The following ARHGEF25 variants were observed in gnomAD, a reference collection of about 807,000 sequenced individuals.
The protein encoded by ARHGEF25 is Rho guanine nucleotide exchange factor 25.
Under a neutral mutation model 74.0 loss-of-function variants are expected in ARHGEF25, and 42 were observed. That is an observed-to-expected ratio of 0.57 (90% CI 0.44 to 0.73). The LOEUF (loss-of-function observed/expected upper bound fraction) is 0.73. Ranked by LOEUF, ARHGEF25 falls within the 30% of genes least tolerant of loss-of-function variation. ARHGEF25 has a pLI of 0.00. For synonymous variants in ARHGEF25, 293 were observed against 278.6 expected (o/e 1.05, Z -0.51); for missense variants, 645 against 725.5 (o/e 0.89, Z 1.27).
chr12:57,613,029 C>T lies in ARHGEF25; in HGVS notation c.197C>T (p.Pro66Leu). The change falls in exon 2 of 15, where the codon CCC becomes CTC. Residue 66 changes from proline (P) to leucine (L), a missense_variant. Coordinates refer to ENST00000286494, the MANE Select transcript of ARHGEF25 (RefSeq NM_182947.4). ...SGPSSGLSSG[P>L]CSPGPPGPVS... is the part of the protein sequence containing the mutation. Reference sequence around the variant, plus strand: ...CCCAGCTCTGGCCTCAGCTCTGGCCCCTGTTCCCCAGGCCCCCCAGGGCCC... The same window carrying T: ...CCCAGCTCTGGCCTCAGCTCTGGCCTCTGTTCCCCAGGCCCCCCAGGGCCC... The T allele has an allele frequency of 6.2e-7, 1 of 1,614,180 alleles. No homozygotes were observed. The highest frequency in any genetic ancestry group is 8.5e-7 in the Non-Finnish European group (1 of 1,180,008).
chr12:57,611,667 C>T lies in ARHGEF25; in HGVS notation c.-228C>T. The T allele has an allele frequency of 9.0e-7, 1 of 1,113,312 alleles. No homozygotes were observed. The highest frequency in any genetic ancestry group is 1.1e-6 in the Non-Finnish European group (1 of 911,984). The allele number at this position is 1,113,312 out of a possible 1,614,324, so 69.0% of individuals were successfully genotyped here. On this transcript the variant is annotated 5_prime_UTR_variant, in exon 1 of 15. Coordinates refer to ENST00000286494, the MANE Select transcript of ARHGEF25 (RefSeq NM_182947.4). The surrounding 1 kb of genome is among the most constrained non-coding windows in gnomAD (Gnocchi z 4.5). Reference sequence around the variant, plus strand: ...CGGAAACCCTCCCCGCCCAGCCCGGCGGCCGGGCCCCGCGCCTCTCTCTCT... The same window carrying T: ...CGGAAACCCTCCCCGCCCAGCCCGGTGGCCGGGCCCCGCGCCTCTCTCTCT...
At chr12:57,612,434 A>G (rs1884093391) in intron 1 of ARHGEF25, 1 of 161,666 alleles carries the variant, frequency 6.2e-6, no homozygotes, top group Admixed American at 6.1e-5. Flanking sequence ...GGCCTCCTCT[A>G]TTGGGTCTAC....
upstream of ARHGEF25, chr12:57,610,331 C>A (rs529143273): frequency 6.0e-6 from 8 of 1,324,610 alleles, no homozygotes; most frequent in South Asian, 1.0e-4. Flanking sequence ...AATGGGGGCT[C>A]GCGGTGGGGT....
At chr12:57,613,932 C>G in intron 5 of ARHGEF25, 84 bp from the exon 6 acceptor site, 1 of 1,507,438 alleles carries the variant, frequency 6.6e-7, no homozygotes, top group Non-Finnish European at 9.2e-7. Context: ...AGGTGGAACA[C>G]ACCCTGGATT....
In ARHGEF25 at chr12:57,611,898, C is replaced by G. The variant is rs1594958073; in HGVS notation, c.4C>G (p.Arg2Gly). 1.6e-6 allele frequency: 2 copies of G among 1,235,278 alleles called. No homozygotes were observed. Among genetic ancestry groups the G allele is most frequent in the Middle Eastern group, 2.3e-4 (1 of 4,286 alleles). The allele number at this position is 1,235,278 out of a possible 1,614,324, so 76.5% of individuals were successfully genotyped here. Reference sequence around the variant, plus strand: ...GGCGCGGGGGGGCCCGGGCGCCATGCGGGGGGGGCACAAAGGGGGTCGCTG... The same window carrying G: ...GGCGCGGGGGGGCCCGGGCGCCATGGGGGGGGGGCACAAAGGGGGTCGCTG... M[R>G]GGHKGGRCAC... Residue 2 changes from arginine (R) to glycine (G), a missense_variant, in exon 1 of 15, where the codon CGG becomes GGG. Transcript: ENST00000286494. This position sits in a 1 kb window ranked among gnomAD's most constrained non-coding sequence, Gnocchi z 4.5.
Position 57,616,474 on chromosome 12 carries a change from C to T in ARHGEF25, c.1611C>T (p.Ala537=). The change falls in exon 14 of 15, where the codon GCC becomes GCT. Residue 537 remains alanine, a synonymous_variant. Coordinates refer to ENST00000286494, the MANE Select transcript of ARHGEF25 (RefSeq NM_182947.4). Reference sequence around the variant, plus strand: ...CACCCAAAGGGGAGGTGGCCAGAGCCCTCTTGCCACTGGATAAACAGGTAT... The same window carrying T: ...CACCCAAAGGGGAGGTGGCCAGAGCTCTCTTGCCACTGGATAAACAGGTAT... ...LLSPKGEVAR[A]LLPLDKQALG... The T allele has an allele frequency of 6.2e-6, 10 of 1,614,096 alleles. No homozygotes were observed. The highest frequency in any genetic ancestry group is 8.5e-6 in the Non-Finnish European group (10 of 1,179,998).
At chr12:57,616,578 A>C in intron 14 of ARHGEF25, 83 bp downstream of exon 14, 1 of 1,306,106 alleles carries the variant, frequency 7.7e-7, no homozygotes, top group Non-Finnish European at 1.1e-6. Context: ...CCCTCCCCAT[A>C]TCATTCCTTC....
Position 57,613,124 on chromosome 12 carries a change from G to T in ARHGEF25, c.292G>T (p.Gly98Cys). 1.2e-6 allele frequency: 2 copies of T among 1,613,310 alleles called. No homozygotes were observed. The highest frequency in any genetic ancestry group is 1.7e-6 in the Non-Finnish European group (2 of 1,179,406). Reference sequence around the variant, plus strand: ...CAGTGTGGAAACTGAGGCAGACAGTGGTCAGGCAGGACCATATGAGGTGAG... The same window carrying T: ...CAGTGTGGAAACTGAGGCAGACAGTTGTCAGGCAGGACCATATGAGGTGAG... ...CLSVETEADSGQAGPYENWML... is the reference protein window; with the variant it reads ...CLSVETEADSCQAGPYENWML... The change falls in exon 2 of 15, where the codon GGT becomes TGT. Residue 98 changes from glycine to cysteine, a missense_variant. Around this residue, in one of 3 missense-constraint regions of ARHGEF25, gnomAD observed 189 missense variants for 199.1 expected, o/e 0.95. Coordinates refer to ENST00000286494, the MANE Select transcript of ARHGEF25 (RefSeq NM_182947.4).
At position 57,614,043 on chromosome 12, in the gene ARHGEF25, G is replaced by A. The variant is rs755018413; in HGVS notation, c.580G>A (p.Gly194Arg). The change falls in exon 6 of 15, where the codon GGG (glycine) becomes AGG (arginine). Residue 194 changes from glycine to arginine, a missense_variant. Physicochemically the swap from Gly to Arg is moderately radical, Grantham distance 125. Transcript: ENST00000286494. This position sits in a 1 kb window ranked among gnomAD's most constrained non-coding sequence, Gnocchi z 4.6. ...EGYMATMAAQ[G>R]VPESLRGRDR... is the part of the protein sequence containing the mutation. ...TTATATGGCCACCATGGCTGCTCAG[G>A]GGGTCCCCGAGAGTCTTCGAGGCCG... 1.9e-6 allele frequency: 3 copies of A among 1,614,002 alleles called. No homozygotes were observed. Among genetic ancestry groups the A allele is most frequent in the East Asian group, 2.2e-5 (1 of 44,882 alleles).
intron 14 of ARHGEF25, 45 bp downstream of exon 14, chr12:57,616,540 A>G: frequency 1.3e-6 from 2 of 1,574,530 alleles, no homozygotes; most frequent in Non-Finnish European, 1.7e-6. Flanking sequence ...AAAAGGGGAG[A>G]GCCTCTCTTG....
At position 57,616,905 on chromosome 12, in the gene ARHGEF25, C is replaced by T. The variant is rs773979411; in HGVS notation, c.*11C>T. The stretch of plus-strand genomic sequence containing the variant: ...GAAGATGAGCTGTAACTGGTGAAAA[C>T]CATGGGGGTGGTGCTGACTCAGCCG... On this transcript the variant is annotated 3_prime_UTR_variant, in exon 15 of 15. Transcript: ENST00000286494. 3.1e-6 allele frequency: 5 copies of T among 1,606,518 alleles called. No homozygotes were observed. In the South Asian group the frequency reaches 5.5e-5, roughly 18 times the overall value.
At chr12:57,612,838 A>G in intron 1 of ARHGEF25, 92 bp from the exon 2 acceptor site, 1 of 1,532,458 alleles carries the variant, frequency 6.5e-7, no homozygotes, top group Non-Finnish European at 8.8e-7. Flanking sequence ...GAGGCTGAGC[A>G]TCATGAAGAG....
Position 57,613,337 on chromosome 12 carries a change from A to G in ARHGEF25, c.386A>G (p.Glu129Gly), listed in dbSNP as rs1475675956. 5 of 1,614,076 alleles carry G rather than the reference A, an allele frequency of 3.1e-6. No individual in the cohort carries two copies. Among genetic ancestry groups the G allele is most frequent in the Non-Finnish European group, 4.2e-6 (5 of 1,180,028 alleles). ...PELTLLTTLL[E>G]GPGDKTQPPE... The stretch of plus-strand genomic sequence containing the variant: ...CTGACCTTGCTGACCACACTGTTGG[A>G]GGGCCCTGGAGATAAGACGCAGGTG... Residue 129 changes from glutamate to glycine, a missense_variant, in exon 3 of 15, where the codon GAG becomes GGG. This residue lies in a region of ARHGEF25 where 189 missense variants were observed against 199.1 expected (regional missense o/e 0.95). Coordinates refer to ENST00000286494, the MANE Select transcript of ARHGEF25 (RefSeq NM_182947.4).
chr12:57,614,226 T>C lies in ARHGEF25; in HGVS notation c.657-105T>C. ...GACTTAAGGAATGTTTGGAGAAGTT[T>C]TGTAGGGCACACTACCAGGGCAGAC... On this transcript the variant is annotated intron_variant, in intron 6 of 14. Transcript: ENST00000286494. The surrounding 1 kb of genome is among the most constrained non-coding windows in gnomAD (Gnocchi z 4.6). 1 of 1,581,514 alleles carries C rather than the reference T, an allele frequency of 6.3e-7. No individual in the cohort carries two copies. Among genetic ancestry groups the C allele is most frequent in the Non-Finnish European group, 8.7e-7 (1 of 1,151,378 alleles).
rs1884181371 is a variant in ARHGEF25, at chr12:57,614,204, T to G, written c.656+85T>G. Reference sequence around the variant, plus strand: ...TATCCTAACATCAGCCCATTGCGACTTAAGGAATGTTTGGAGAAGTTTTGT... The same window carrying G: ...TATCCTAACATCAGCCCATTGCGACGTAAGGAATGTTTGGAGAAGTTTTGT... On this transcript the variant is annotated intron_variant, in intron 6 of 14. Transcript: ENST00000286494. This position sits in a 1 kb window ranked among gnomAD's most constrained non-coding sequence, Gnocchi z 4.6. The G allele has an allele frequency of 1.9e-6, 3 of 1,584,844 alleles. No individual in the cohort carries two copies. The highest frequency in any genetic ancestry group is 1.7e-6 in the Non-Finnish European group (2 of 1,154,448).
Position 57,615,920 on chromosome 12 carries a change from C to G in ARHGEF25, c.1323C>G (p.Ile441Met). 1.2e-6 allele frequency: 2 copies of G among 1,614,202 alleles called. No individual in the cohort carries two copies. The highest frequency in any genetic ancestry group is 2.7e-5 in the African/African-American group (2 of 75,054). The change falls in exon 13 of 15, where the codon ATC becomes ATG. Residue 441 changes from isoleucine (I) to methionine (M), a missense_variant. Around this residue, in one of 3 missense-constraint regions of ARHGEF25, gnomAD observed 262 missense variants for 256.9 expected, o/e 1.02. Coordinates refer to ENST00000286494, the MANE Select transcript of ARHGEF25 (RefSeq NM_182947.4). ...ALTSRGPEGG[I>M]QRYVLQAADP... ...CCTCCAGAGGGCCAGAGGGTGGGAT[C>G]CAGCGCTATGTCCTGCAGGCTGCAG... is the stretch of plus-strand genomic sequence containing the variant.
chr12:57,613,379 G>A lies in ARHGEF25; in HGVS notation c.408+20G>A. ...ACGCAGGTGTGAGGACAGGCTCTGGGGAGGCTCCTTTCACTCAAGGGGCAT... is the reference window on the plus strand; with the variant it reads ...ACGCAGGTGTGAGGACAGGCTCTGGAGAGGCTCCTTTCACTCAAGGGGCAT... On this transcript the variant is annotated intron_variant, in intron 3 of 14. Transcript: ENST00000286494. The A allele has an allele frequency of 2.5e-6, 4 of 1,614,196 alleles. No homozygotes were observed. The highest frequency in any genetic ancestry group is 3.4e-6 in the Non-Finnish European group (4 of 1,180,028).
intron 4 of ARHGEF25, 88 bp from the exon 5 acceptor site, chr12:57,613,606 T>C: frequency 6.2e-7 from 1 of 1,611,238 alleles, no homozygotes; most frequent in South Asian, 1.1e-5. Context: ...AGGTTGGCTA[T>C]GATGATAAAG....
chr12:57,615,767 G>T (rs1884257144), intron 12 of ARHGEF25, 55 bp downstream of exon 12: 2 of 1,612,802 alleles, frequency 1.2e-6, no homozygotes, highest in East Asian at 4.5e-5. Context: ...TGAGGCCTCT[G>T]AGAGGATGTC....
Sources: allele counts gnomAD v4.1 joint callset, GRCh38; gene constraint gnomAD v4.1.1; regional missense constraint gnomAD v4.1.1; non-coding constraint Gnocchi (gnomAD v3.1); transcripts MANE v1.5; gene names NCBI Gene and HGNC (gene_info 2026-07-23, HGNC 2026-07-21).